Variants in SORCS1 observed in about 807,000 individuals in gnomAD.
SORCS1 encodes sortilin related VPS10 domain containing receptor 1.
SORCS1 carries 60 observed loss-of-function variants against 146.1 expected under a neutral mutation model. The observed-to-expected ratio is 0.41, with a 90% confidence interval of 0.33 to 0.51. The LOEUF is 0.51. SORCS1 is among the 20% of genes least tolerant of loss of function. The pLI is 0.21. For missense variants in SORCS1, 1,352 were observed against 1,487.6 expected (o/e 0.91, Z 1.50); for synonymous variants, 637 against 584.0 (o/e 1.09, Z -1.31).
intron 1 of SORCS1, among the ~76,000 whole-genome samples, chr10:107,121,434 A>C (rs1470439115): frequency 6.6e-6 from 1 of 152,224 alleles, no homozygotes; most frequent in Non-Finnish European, 1.5e-5. Context: ...TCTCAAGGAC[A>C]AAATTCATAC....
chr10:106,627,239 A>G (rs986186100), intron 19 of SORCS1, among the ~76,000 whole-genome samples: 1 of 152,174 alleles, frequency 6.6e-6, no homozygotes, highest in African/African-American at 2.4e-5. Context: ...GAAGCTATGG[A>G]AGATTTAATG....
intron 1 of SORCS1, among the ~76,000 whole-genome samples, chr10:107,018,236 G>A (rs1486540667): frequency 7.2e-5 from 11 of 151,742 alleles, no homozygotes; most frequent in South Asian, 2.1e-4. Flanking sequence ...GTGCAGTGGC[G>A]CAATCTTGGC....
chr10:107,087,411 G>T (rs190338819), intron 1 of SORCS1, among the ~76,000 whole-genome samples: 1 of 152,076 alleles, frequency 6.6e-6, no homozygotes, highest in African/African-American at 2.4e-5. Flanking sequence ...ATAAATAAAA[G>T]ACAATGTAAT....
intron 1 of SORCS1, among the ~76,000 whole-genome samples, chr10:106,996,291 C>T (rs1164440998): frequency 1.3e-5 from 2 of 150,144 alleles, no homozygotes; most frequent in Non-Finnish European, 3.0e-5. Flanking sequence ...GCAAAACTAC[C>T]TGGGGTCAGG....
In SORCS1 at chr10:106,618,198, G is replaced by C; in HGVS notation, c.2871C>G (p.Val957=). The change falls in exon 21 of 26, where the codon GTC becomes GTG. Residue 957 remains valine, a synonymous_variant. Coordinates refer to ENST00000263054, the MANE Select transcript of SORCS1 (RefSeq NM_052918.5). The stretch of plus-strand genomic sequence containing the variant: ...CTTGTAGGATGGCATTCCCAGCTGA[G>C]ACCTGCACTGTGATGGTATTCATTC... The part of the protein sequence containing the change: ...SEGMNTITVQ[V]SAGNAILQDT... 1 of 1,614,106 alleles carries C rather than the reference G, an allele frequency of 6.2e-7. No homozygotes were observed. The highest frequency in any genetic ancestry group is 8.5e-7 in the Non-Finnish European group (1 of 1,179,984).
At chr10:106,882,404 C>T (rs1950840229) in intron 2 of SORCS1, among the ~76,000 whole-genome samples, 1 of 152,140 alleles carries the variant, frequency 6.6e-6, no homozygotes, top group African/African-American at 2.4e-5. Context: ...ATTTGGCAAA[C>T]TTTTTTCTGT....
intron 18 of SORCS1, among the ~76,000 whole-genome samples, chr10:106,644,456 T>C (rs927656771): frequency 1.3e-5 from 2 of 152,032 alleles, no homozygotes; most frequent in African/African-American, 4.8e-5. Flanking sequence ...AACCTCCGCC[T>C]CCCAGGTTCA....
chr10:106,597,892 A>G (rs1845999291), intron 23 of SORCS1, among the ~76,000 whole-genome samples: 1 of 152,206 alleles, frequency 6.6e-6, no homozygotes, highest in Admixed American at 6.5e-5. Context: ...TATTTATTGT[A>G]TGGTAAATAT....
the SORCS1 span, among the ~76,000 whole-genome samples, chr10:107,174,720 T>G: frequency 1.3e-5 from 2 of 152,152 alleles, no homozygotes; most frequent in African/African-American, 4.8e-5. Context: ...TAAGGATATG[T>G]GCATATTAAA....
At chr10:106,916,573 T>TACACACACAC (rs778320662) in intron 2 of SORCS1, among the ~76,000 whole-genome samples, 1 of 126,716 alleles carries the variant, frequency 7.9e-6, no homozygotes, top group African/African-American at 3.0e-5. Context: ...TGTGCATATA[T>TACACACACAC]ATACACACAC....
intron 5 of SORCS1, among the ~76,000 whole-genome samples, chr10:106,733,111 AAAAAG>A (rs527897452): frequency 0.034 from 4,963 of 148,054 alleles, 295 homozygotes; most frequent in African/African-American, 0.063. Context: ...CCATTTCAAA[AAAAAG>A]AAAAGAAAAG....
rs540732820 is a variant in SORCS1, at chr10:106,693,136, C to A, written c.1414-4798G>T. Among the ~76,000 whole-genome samples, 11 of 152,200 alleles carry A rather than the reference C, an allele frequency of 7.2e-5. No homozygotes were observed. The East Asian group carries it at 1.9e-3, about 27-fold the overall frequency. On this transcript the variant is annotated intron_variant, in intron 9 of 25. Transcript: ENST00000263054. ...TCTCATTATATATATGCAAATATTG[C>A]AAAATCCAAAAATGTCTAAAATCTG...
chr10:107,074,601 C>T (rs551611301), intron 1 of SORCS1, among the ~76,000 whole-genome samples: 14 of 152,254 alleles, frequency 9.2e-5, no homozygotes, highest in Non-Finnish European at 1.0e-4. Context: ...GAGTATGATT[C>T]GTTTGTGAGA....
chr10:106,598,427 A>G (rs1374461703), intron 23 of SORCS1, among the ~76,000 whole-genome samples: 1 of 151,514 alleles, frequency 6.6e-6, no homozygotes, highest in Admixed American at 6.6e-5. Context: ...ACACCCAGCT[A>G]TTTTTTGTAT....
intron 1 of SORCS1, among the ~76,000 whole-genome samples, chr10:106,965,237 G>T (rs1955444327): frequency 6.6e-6 from 1 of 151,962 alleles, no homozygotes; most frequent in South Asian, 2.1e-4. Flanking sequence ...GTGTATACAT[G>T]GGTTTTTGTG....
At position 107,155,468 on chromosome 10, in the gene SORCS1, C is replaced by T. The variant is rs374232825; in HGVS notation, c.558+8501G>A. On this transcript the variant is annotated intron_variant, in intron 1 of 25. Coordinates refer to ENST00000263054, the MANE Select transcript of SORCS1 (RefSeq NM_052918.5). The stretch of plus-strand genomic sequence containing the variant: ...ACTTTGAGAAACACTGCCCCAGGCA[C>T]CTATGAGTGAGCCCATGCCTGCCCA... Among the ~76,000 whole-genome samples the T allele has an allele frequency of 2.9e-4, 44 of 152,258 alleles. No individual in the cohort carries two copies. The East Asian group carries it at 6.0e-3, about 21-fold the overall frequency.
chr10:107,007,834 T>C (rs185834384), intron 1 of SORCS1, among the ~76,000 whole-genome samples: 2 of 152,278 alleles, frequency 1.3e-5, no homozygotes, highest in East Asian at 3.9e-4. Flanking sequence ...TTACGCTTAC[T>C]TGATAGCTGT....
At chr10:106,609,352 G>A (rs1371103634) in intron 22 of SORCS1, among the ~76,000 whole-genome samples, 1 of 152,224 alleles carries the variant, frequency 6.6e-6, no homozygotes. Flanking sequence ...ATTGTGAAAT[G>A]TCAATAGCAA....
intron 2 of SORCS1, among the ~76,000 whole-genome samples, chr10:106,920,487 T>G (rs1564811204): frequency 6.6e-6 from 1 of 152,084 alleles, no homozygotes; most frequent in Non-Finnish European, 1.5e-5. Flanking sequence ...ACAACTATAT[T>G]AAATCCACCC....
Sources: gnomAD v4.1 joint callset for allele counts (sites outside exome capture counted in the v4.1 genomes callset) on GRCh38, gnomAD v4.1.1 for gene constraint, MANE v1.5 for transcripts, NCBI Gene and HGNC (gene_info 2026-07-23, HGNC 2026-07-21) for gene names.